The following KLHL22 variants were observed in gnomAD, a reference collection of about 807,000 sequenced individuals.
KLHL22 encodes kelch-like protein 22.
KLHL22 carries 18 observed loss-of-function variants against 60.7 expected under a neutral mutation model. That is an observed-to-expected ratio of 0.30 (90% CI 0.20 to 0.44). KLHL22 has a LOEUF of 0.44. Ranked by LOEUF, KLHL22 falls within the 20% of genes least tolerant of loss-of-function variation. KLHL22 has a pLI of 1.00. For missense variants in KLHL22, 596 were observed against 852.3 expected, an observed-to-expected ratio of 0.70 and a Z score of 3.74; for synonymous variants, 355 against 354.5, an observed-to-expected ratio of 1.00 and a Z score of -0.01.
intron 3 of KLHL22, among the ~76,000 whole-genome samples, chr22:20,468,506 C>T (rs796096970): frequency 7.9e-5 from 12 of 152,238 alleles, no homozygotes; most frequent in African/African-American, 2.6e-4. Context: ...CTGGGGACAC[C>T]GTGAAGAATC....
intron 1 of KLHL22, among the ~76,000 whole-genome samples, 187 bp from the exon 2 acceptor site, chr22:20,489,431 C>G (rs1167329779): frequency 6.6e-6 from 1 of 152,186 alleles, no homozygotes; most frequent in Non-Finnish European, 1.5e-5. Flanking sequence ...TGATGGCCTT[C>G]TTCCTGATGA....
In KLHL22 at chr22:20,465,310, G is replaced by A; in HGVS notation, c.660C>T (p.Tyr220=). 6.2e-7 allele frequency: 1 copy of A among 1,614,134 alleles called. No individual in the cohort carries two copies. Among genetic ancestry groups the A allele is most frequent in the African/African-American group, 1.3e-5 (1 of 75,050 alleles). Reference sequence around the variant, plus strand: ...CCTGCACCTGCTCCAGGCTATAATGGTAGAGAAGGGCCCCCTCATATACCT... The same window carrying A: ...CCTGCACCTGCTCCAGGCTATAATGATAGAGAAGGGCCCCCTCATATACCT... ...ETEVYEGALL[Y]HYSLEQVQAD... is the part of the protein sequence containing the mutation. The change falls in exon 4 of 7, where the codon TAC becomes TAT. Residue 220 remains tyrosine (Y), a synonymous_variant. Coordinates refer to ENST00000328879, the MANE Select transcript of KLHL22 (RefSeq NM_032775.4). The surrounding 1 kb of genome is among the most constrained non-coding windows in gnomAD (Gnocchi z 4.9).
chr22:20,446,231 C>CG (rs1375456197), intron 6 of KLHL22, among the ~76,000 whole-genome samples: 1 of 152,024 alleles, frequency 6.6e-6, no homozygotes, highest in Non-Finnish European at 1.5e-5. Context: ...CCCTCTGGAG[C>CG]GAGAGGTCTG....
At chr22:20,461,995 G>T (rs992556341) in intron 4 of KLHL22, among the ~76,000 whole-genome samples, 1 of 152,192 alleles carries the variant, frequency 6.6e-6, no homozygotes, top group African/African-American at 2.4e-5. Context: ...CCACTCGGGA[G>T]GCTGAGGCAG....
intron 2 of KLHL22, among the ~76,000 whole-genome samples, chr22:20,487,228 G>GT (rs1290784170): frequency 1.3e-5 from 2 of 149,348 alleles, no homozygotes; most frequent in Non-Finnish European, 3.0e-5. Context: ...CCTCTTTTTT[G>GT]TTTTTTTGAA....
At chr22:20,473,562 A>G (rs1360017294) in intron 2 of KLHL22, among the ~76,000 whole-genome samples, 4 of 152,192 alleles carry the variant, frequency 2.6e-5, no homozygotes. Context: ...ATACATATAC[A>G]TGCTACCAGA....
chr22:20,491,208 C>T (rs1157498863), intron 1 of KLHL22: 1 of 152,234 alleles, frequency 6.6e-6, no homozygotes, highest in Non-Finnish European at 1.5e-5. Context: ...GAACATCACT[C>T]TTTAGGAGCC....
In KLHL22 at chr22:20,459,385, A is replaced by G. The variant is rs2053117619; in HGVS notation, c.1113-1385T>C. Among the ~76,000 whole-genome samples the G allele has an allele frequency of 3.3e-5, 5 of 152,160 alleles. No homozygotes were observed. The South Asian group carries it at 1.0e-3, about 32-fold the overall frequency. ...ACAGGAGCCTCAGAAGGCAGGGCCA[A>G]CAAGAGAGGGAACACACACCTGGGT... On this transcript the variant is annotated intron_variant, in intron 4 of 6. Coordinates refer to ENST00000328879, the MANE Select transcript of KLHL22 (RefSeq NM_032775.4).
At chr22:20,468,741 C>G (rs1356780918) in intron 3 of KLHL22, among the ~76,000 whole-genome samples, 3 of 152,058 alleles carry the variant, frequency 2.0e-5, no homozygotes, top group Non-Finnish European at 4.4e-5. Context: ...CTTACTGAAG[C>G]CTCCACCTCC....
At chr22:20,446,366 C>A (rs1366630511) in intron 6 of KLHL22, 77 bp downstream of exon 6, 8 of 866,042 alleles carry the variant, frequency 9.2e-6, no homozygotes, top group Non-Finnish European at 1.5e-5. Context: ...GCACATGATT[C>A]AATTACATTT....
chr22:20,443,785 C>T (rs1030535794), intron 6 of KLHL22, among the ~76,000 whole-genome samples: 2 of 151,844 alleles, frequency 1.3e-5, no homozygotes, highest in East Asian at 1.9e-4. Context: ...TGGTGGCTCA[C>T]GCCTGTAATC....
chr22:20,450,567 G>A, intron 5 of KLHL22: 1 of 1,610,646 alleles, frequency 6.2e-7, no homozygotes, highest in Non-Finnish European at 8.5e-7. Flanking sequence ...GTGTTGACCT[G>A]ACACAAGCAG....
At chr22:20,458,124 C>A (rs572165124) in intron 4 of KLHL22, 124 bp from the exon 5 acceptor site, 324 of 975,452 alleles carry the variant, frequency 3.3e-4, no homozygotes, top group Middle Eastern at 9.7e-4. Context: ...TCCCCAACTA[C>A]CCCACATACC....
At chr22:20,466,372 TAAAAAAAAAAAAAAA>T (rs361874) in intron 3 of KLHL22, among the ~76,000 whole-genome samples, 2 of 70,604 alleles carry the variant, frequency 2.8e-5, no homozygotes, top group Middle Eastern at 6.3e-3. Flanking sequence ...AGACTCCGTC[TAAAAAAAAAAAAAAA>T]AAAAAAAAAA....
At chr22:20,456,530 A>C (rs1259357024) in intron 5 of KLHL22, 2 of 152,206 alleles carry the variant, frequency 1.3e-5, no homozygotes, top group Non-Finnish European at 2.9e-5. Flanking sequence ...GCTTCCCCCA[A>C]CACCCTTCCT....
Position 20,495,773 on chromosome 22 carries a change from C to T in KLHL22, c.-47G>A, listed in dbSNP as rs2053758931. The T allele has an allele frequency of 6.6e-6, 1 of 151,260 alleles. No individual in the cohort carries two copies. Among genetic ancestry groups the T allele is most frequent in the Non-Finnish European group, 1.5e-5 (1 of 67,582 alleles). 9.4% of individuals were successfully genotyped at this position (151,260 alleles called of 1,614,324 possible). A position where few individuals can be genotyped will look rare whatever the true frequency, so the allele number is the denominator to read the frequency against. On this transcript the variant is annotated 5_prime_UTR_variant, in exon 1 of 7. Coordinates refer to ENST00000328879, the MANE Select transcript of KLHL22 (RefSeq NM_032775.4). The surrounding 1 kb of genome is among the most constrained non-coding windows in gnomAD (Gnocchi z 4.6). ...CTCGCAGCTGACCTGGTGCCGCCGC[C>T]AGCCGAGGCCGCACTCGCAGCTGGA...
intron 3 of KLHL22, among the ~76,000 whole-genome samples, chr22:20,468,985 TA>T (rs1331418615): frequency 2.0e-5 from 3 of 152,208 alleles, no homozygotes; most frequent in Admixed American, 1.3e-4. Context: ...AAAACTAAGA[TA>T]GGCTGCTGCC....
intron 2 of KLHL22, among the ~76,000 whole-genome samples, chr22:20,480,594 T>G (rs1311003571): frequency 1.3e-5 from 2 of 152,026 alleles, no homozygotes; most frequent in Admixed American, 1.3e-4. Flanking sequence ...TTGTCCAAAC[T>G]CTTTAAATCA....
chr22:20,451,001 C>G, intron 5 of KLHL22: 1 of 1,549,072 alleles, frequency 6.5e-7, no homozygotes, highest in Non-Finnish European at 8.9e-7. Flanking sequence ...CAGCAGTCTC[C>G]CATCGATGCA....
Sources: allele counts gnomAD v4.1 joint callset (sites outside exome capture counted in the v4.1 genomes callset), GRCh38; gene constraint gnomAD v4.1.1; non-coding constraint Gnocchi (gnomAD v3.1); transcripts MANE v1.5; gene names NCBI Gene and HGNC (gene_info 2026-07-23, HGNC 2026-07-21).